CACNA2D1: variants seen among roughly 807,000 people sequenced by gnomAD.
CACNA2D1 encodes calcium voltage-gated channel auxiliary subunit alpha2delta 1.
Under a neutral mutation model 171.5 loss-of-function variants are expected in CACNA2D1, and 53 were observed. The observed-to-expected ratio is 0.31, with a 90% CI of 0.25 to 0.39. CACNA2D1 has a LOEUF of 0.39. CACNA2D1 is among the 10% of genes least tolerant of loss of function. The probability of loss-of-function intolerance (pLI) is 1.00; values close to 1 mark genes in which losing one functional copy is unlikely to be tolerated. For missense variants in CACNA2D1, 903 were observed against 1,299.8 expected, an observed-to-expected ratio of 0.69 and a Z score of 4.69; for synonymous variants, 442 against 443.1, an observed-to-expected ratio of 1.00 and a Z score of 0.03.
At chr7:82,002,317 C>A (rs1378135297) in intron 18 of CACNA2D1, among the ~76,000 whole-genome samples, 4 of 152,114 alleles carry the variant, frequency 2.6e-5, no homozygotes, top group Non-Finnish European at 5.9e-5. Context: ...GGGAGGCAAG[C>A]CCTTACAGAA....
chr7:82,443,402 C>T lies in CACNA2D1; in HGVS notation c.58G>A (p.Gly20Ser), dbSNP rs201211703. The change falls in exon 1 of 39, where the codon GGC (glycine) becomes AGC (serine). Residue 20 changes from glycine (G) to serine (S), a missense_variant. Gly to Ser is a moderately conservative substitution (Grantham distance 56, BLOSUM62 0). Around this residue, in one of 5 missense-constraint regions of CACNA2D1, gnomAD observed 41 missense variants for 27.6 expected, o/e 1.49. Transcript: ENST00000356860. ...GGGAACGGCTCCTCCGACGAGGGGCCGATGAGCAAAGATTGGAAAAGTGTC... is the reference window on the plus strand; with the variant it reads ...GGGAACGGCTCCTCCGACGAGGGGCTGATGAGCAAAGATTGGAAAAGTGTC... The part of the protein sequence containing the change: ...TLTLFQSLLI[G>S]PSSEEPFPSA... 1 of 1,606,110 alleles carries T rather than the reference C, an allele frequency of 6.2e-7. No homozygotes were observed. Among genetic ancestry groups the T allele is most frequent in the Non-Finnish European group, 8.5e-7 (1 of 1,176,074 alleles).
chr7:82,024,163 G>A (rs37146), intron 12 of CACNA2D1, among the ~76,000 whole-genome samples: 80,929 of 150,996 alleles, frequency 0.54, 24,408 homozygotes, highest in African/African-American at 0.83. Context: ...TTTTGGATAA[G>A]TATCCAGAAG....
chr7:82,186,635 CT>C (rs1210405007), intron 3 of CACNA2D1, among the ~76,000 whole-genome samples: 1 of 152,012 alleles, frequency 6.6e-6, no homozygotes, highest in African/African-American at 2.4e-5. Flanking sequence ...AGGTAAACAG[CT>C]TTTAAAAGTT....
rs188208081 is a variant in CACNA2D1 at position 82,091,482 on chromosome 7, G to A, written c.527-6582C>T. ...CCTGGCCAATGCCCAGAACACAGCT[G>A]TTCTGCTTTAATGAAATCTGCACGC... On this transcript the variant is annotated intron_variant, in intron 6 of 38. Coordinates refer to ENST00000356860, the MANE Select transcript of CACNA2D1 (RefSeq NM_000722.4). Among the ~76,000 whole-genome samples the A allele has an allele frequency of 5.8e-4, 88 of 152,288 alleles. 1 individual carries two copies. The highest frequency in any genetic ancestry group is 3.4e-3 in the Middle Eastern group (1 of 294).
chr7:82,210,062 A>C (rs541138461), intron 3 of CACNA2D1, among the ~76,000 whole-genome samples: 1 of 152,296 alleles, frequency 6.6e-6, no homozygotes, highest in South Asian at 2.1e-4. Flanking sequence ...TATAAAAGCT[A>C]TATTTTTCAC....
chr7:82,117,928 C>CT (rs1386507334), intron 5 of CACNA2D1, among the ~76,000 whole-genome samples: 1 of 152,060 alleles, frequency 6.6e-6, no homozygotes, highest in Non-Finnish European at 1.5e-5. Flanking sequence ...GAAGATGATT[C>CT]TTTGACAAAT....
At chr7:82,009,598 A>G (rs1246935490) in intron 15 of CACNA2D1, among the ~76,000 whole-genome samples, 6 of 152,122 alleles carry the variant, frequency 3.9e-5, no homozygotes. Flanking sequence ...TATGGATGTA[A>G]TCATTTCCTT....
At chr7:81,967,029 G>A in intron 31 of CACNA2D1, 140 bp downstream of exon 31, 2 of 633,748 alleles carry the variant, frequency 3.2e-6, no homozygotes, top group Non-Finnish European at 5.6e-6. Flanking sequence ...AAATTCAAAT[G>A]AATATATTAT....
intron 3 of CACNA2D1, among the ~76,000 whole-genome samples, chr7:82,249,737 G>A (rs573605819): frequency 6.6e-6 from 1 of 152,326 alleles, no homozygotes; most frequent in South Asian, 2.1e-4. Flanking sequence ...ATGCACGCAT[G>A]TTGTGCTGAT....
rs951378739 is a variant in CACNA2D1, at chr7:82,380,696, A to ATGTG, written c.96-31051_96-31048dup. On this transcript the variant is annotated intron_variant, in intron 1 of 38. Transcript: ENST00000356860. ...AACTACTCATTTACTGTGTATGTGT[A>ATGTG]TGTGTGTGTTTGTTTTGAGACAGAG... is the stretch of plus-strand genomic sequence containing the variant. 4.6e-5 allele frequency among the ~76,000 whole-genome samples: 7 copies of ATGTG among 152,178 alleles called. No homozygotes were observed. In the East Asian group the frequency reaches 1.4e-3, roughly 30 times the overall value.
chr7:82,366,929 C>T (rs1219418044), intron 1 of CACNA2D1, among the ~76,000 whole-genome samples: 5 of 65,228 alleles, frequency 7.7e-5, no homozygotes, highest in East Asian at 4.1e-4. Flanking sequence ...TTTTTTTTGA[C>T]GGTGCCTTGC....
chr7:82,235,900 T>C (rs1803528212), intron 3 of CACNA2D1, among the ~76,000 whole-genome samples: 1 of 152,086 alleles, frequency 6.6e-6, no homozygotes, highest in African/African-American at 2.4e-5. Context: ...ACTAAGGAAA[T>C]GGATATTTCC....
intron 5 of CACNA2D1, among the ~76,000 whole-genome samples, chr7:82,118,864 G>C (rs1052597483): frequency 6.6e-6 from 1 of 151,844 alleles, no homozygotes; most frequent in African/African-American, 2.4e-5. Flanking sequence ...TATTTCCATG[G>C]TTCTCCTTTT....
chr7:81,967,755 T>C (rs1794861306), intron 29 of CACNA2D1, 92 bp from the exon 30 acceptor site: 1 of 661,704 alleles, frequency 1.5e-6, no homozygotes, highest in Admixed American at 2.4e-5. Flanking sequence ...AGTATCAGAC[T>C]ATAGTTTATT....
rs188511554 is a variant in CACNA2D1 at position 82,138,238 on chromosome 7, C to A, written c.355-1562G>T. ...CTAAAATATAGGTCTCCATGAAGAC[C>A]AAACAAACCAAAAATGATATAAATA... On this transcript the variant is annotated intron_variant, in intron 4 of 38. Transcript: ENST00000356860. Among the ~76,000 whole-genome samples, 427 of 151,712 alleles carry A rather than the reference C, an allele frequency of 2.8e-3. 3 individuals are homozygous for A. The highest frequency in any genetic ancestry group is 3.1e-3 in the Non-Finnish European group (209 of 67,954).
chr7:82,304,169 T>C (rs1165368504), intron 3 of CACNA2D1, among the ~76,000 whole-genome samples: 4 of 152,014 alleles, frequency 2.6e-5, no homozygotes, highest in Non-Finnish European at 4.4e-5. Context: ...CTAGAAGGAC[T>C]ATTAATAAAA....
chr7:82,394,873 C>A (rs1825607672), intron 1 of CACNA2D1, among the ~76,000 whole-genome samples: 1 of 152,126 alleles, frequency 6.6e-6, no homozygotes, highest in African/African-American at 2.4e-5. Flanking sequence ...CTAAAGTGAA[C>A]CAACTCTTAG....
At chr7:82,431,312 GA>G (rs1301706430) in intron 1 of CACNA2D1, among the ~76,000 whole-genome samples, 1 of 152,150 alleles carries the variant, frequency 6.6e-6, no homozygotes, top group East Asian at 1.9e-4. Flanking sequence ...CTTAAAGGCA[GA>G]AAAACCACAT....
At chr7:82,280,500 T>C (rs1033821656) in intron 3 of CACNA2D1, among the ~76,000 whole-genome samples, 1 of 152,200 alleles carries the variant, frequency 6.6e-6, no homozygotes, top group African/African-American at 2.4e-5. Flanking sequence ...CCTGTCTTCC[T>C]ACTCCCAAGC....
Sources: gnomAD v4.1 joint callset for allele counts (sites outside exome capture counted in the v4.1 genomes callset) on GRCh38, gnomAD v4.1.1 for gene constraint, gnomAD v4.1.1 regional missense constraint, MANE v1.5 for transcripts, NCBI Gene and HGNC (gene_info 2026-07-23, HGNC 2026-07-21) for gene names.